The following RAB8B variants were observed in gnomAD, a reference collection of about 807,000 sequenced individuals.
The protein encoded by RAB8B is ras-related protein Rab-8B.
RAB8B carries 11 observed loss-of-function variants against 32.0 expected under a neutral mutation model. That is an observed-to-expected ratio of 0.34 (90% CI 0.22 to 0.57). The LOEUF is 0.57. Among genes scored for constraint, RAB8B ranks in the 20% least tolerant of loss-of-function variants. The pLI is 0.86. For synonymous variants in RAB8B, 103 were observed against 89.6 expected, an observed-to-expected ratio of 1.15 and a Z score of -0.85; for missense variants, 190 against 258.5, an observed-to-expected ratio of 0.73 and a Z score of 1.82.
chr15:63,261,528 G>C (rs2038203418), intron 6 of RAB8B, among the ~76,000 whole-genome samples: 1 of 152,128 alleles, frequency 6.6e-6, no homozygotes, highest in African/African-American at 2.4e-5. Context: ...TAAAAAAAGA[G>C]TGAAATCCCA....
At chr15:63,225,286 C>T (rs1038939211) in intron 1 of RAB8B, among the ~76,000 whole-genome samples, 1 of 152,168 alleles carries the variant, frequency 6.6e-6, no homozygotes, top group African/African-American at 2.4e-5. Flanking sequence ...CATCAAAGCT[C>T]TTACAAGTCA....
chr15:63,251,262 GTTGT>G (rs778744336), intron 3 of RAB8B: 30 of 455,796 alleles, frequency 6.6e-5, no homozygotes, highest in Non-Finnish European at 1.2e-4. Flanking sequence ...ACATTTGTTT[GTTGT>G]TTGTTTGTTT....
At chr15:63,243,395 A>G (rs1461123341) in intron 1 of RAB8B, among the ~76,000 whole-genome samples, 1 of 152,260 alleles carries the variant, frequency 6.6e-6, no homozygotes, top group African/African-American at 2.4e-5. Context: ...ACTAAGTTGT[A>G]TTCACTAACT....
chr15:63,234,769 G>A (rs2141130283), intron 1 of RAB8B, among the ~76,000 whole-genome samples: 1 of 152,290 alleles, frequency 6.6e-6, no homozygotes, highest in African/African-American at 2.4e-5. Context: ...GCAGGAAAGA[G>A]CCTCCTGGCC....
chr15:63,194,822 G>T (rs1446397784), intron 1 of RAB8B, among the ~76,000 whole-genome samples: 1 of 152,108 alleles, frequency 6.6e-6, no homozygotes, highest in Non-Finnish European at 1.5e-5. Context: ...ATATTTTAAA[G>T]GTTATTAAAA....
chr15:63,203,991 AG>A, intron 1 of RAB8B, among the ~76,000 whole-genome samples: 1 of 152,012 alleles, frequency 6.6e-6, no homozygotes, highest in Middle Eastern at 3.4e-3. Flanking sequence ...TTCTCTGCAG[AG>A]GGTTGTCGGG....
At chr15:63,200,672 G>A (rs1337428761) in intron 1 of RAB8B, among the ~76,000 whole-genome samples, 1 of 151,984 alleles carries the variant, frequency 6.6e-6, no homozygotes, top group East Asian at 1.9e-4. Flanking sequence ...ACCTCATGGT[G>A]AGATAGGTGA....
At chr15:63,240,266 C>A (rs2038021303) in intron 1 of RAB8B, among the ~76,000 whole-genome samples, 1 of 152,098 alleles carries the variant, frequency 6.6e-6, no homozygotes, top group South Asian at 2.1e-4. Context: ...GCACAGTATC[C>A]TGGAAAGCTA....
chr15:63,236,031 T>C (rs1204716028), intron 1 of RAB8B, among the ~76,000 whole-genome samples: 3 of 152,296 alleles, frequency 2.0e-5, no homozygotes, highest in East Asian at 3.9e-4. Context: ...TAACCTAACC[T>C]TTTTTTATTG....
Position 63,258,900 on chromosome 15 carries a change from G to A in RAB8B, c.415-727G>A, listed in dbSNP as rs115824197. ...TCTGTGAGTCAGAAAAGGGGAGGAGGTTGCAAAGGGAGTAACCCCTGTACT... is the reference window on the plus strand; with the variant it reads ...TCTGTGAGTCAGAAAAGGGGAGGAGATTGCAAAGGGAGTAACCCCTGTACT... On this transcript the variant is annotated intron_variant, in intron 5 of 7. Transcript: ENST00000321437. 2.1e-3 allele frequency among the ~76,000 whole-genome samples: 317 copies of A among 152,174 alleles called. 4 individuals are homozygous for A. Among genetic ancestry groups the A allele is most frequent in the African/African-American group, 7.3e-3 (302 of 41,520 alleles).
chr15:63,229,678 G>T (rs1567015227), intron 1 of RAB8B, among the ~76,000 whole-genome samples: 1 of 150,730 alleles, frequency 6.6e-6, no homozygotes, highest in Non-Finnish European at 1.5e-5. Flanking sequence ...CTACTCAGGA[G>T]GCTGAGGCAC....
chr15:63,212,738 A>G (rs1459069451), intron 1 of RAB8B, among the ~76,000 whole-genome samples: 2 of 152,192 alleles, frequency 1.3e-5, no homozygotes, highest in African/African-American at 4.8e-5. Context: ...GCTCTAGTGA[A>G]TTGCTTCATG....
intron 1 of RAB8B, among the ~76,000 whole-genome samples, chr15:63,208,775 T>C (rs969899514): frequency 6.6e-6 from 1 of 152,160 alleles, no homozygotes; most frequent in African/African-American, 2.4e-5. Context: ...CAAGATGCTC[T>C]TTCCTCAGTG....
chr15:63,191,226 TAA>T (rs2037553788), intron 1 of RAB8B, among the ~76,000 whole-genome samples: 1 of 152,204 alleles, frequency 6.6e-6, no homozygotes, highest in African/African-American at 2.4e-5. Context: ...GGTTGGGAAA[TAA>T]TAGAGAGCTA....
intron 1 of RAB8B, among the ~76,000 whole-genome samples, chr15:63,231,353 A>G (rs34213645): frequency 0.13 from 19,510 of 152,258 alleles, 1,786 homozygotes; most frequent in East Asian, 0.47. Context: ...GGAAAGAGCC[A>G]AATAATCAGT....
chr15:63,243,721 T>A (rs1397187049), intron 1 of RAB8B, among the ~76,000 whole-genome samples: 1 of 150,452 alleles, frequency 6.6e-6, no homozygotes, highest in Non-Finnish European at 1.5e-5. Context: ...ATCATGAGGA[T>A]TTTTTTTTTC....
intron 1 of RAB8B, among the ~76,000 whole-genome samples, chr15:63,225,162 A>G (rs527379941): frequency 6.6e-6 from 1 of 152,358 alleles, no homozygotes; most frequent in South Asian, 2.1e-4. Context: ...CTGCAGCTGC[A>G]CTACCAAAGT....
At chr15:63,195,058 A>T (rs2037589458) in intron 1 of RAB8B, among the ~76,000 whole-genome samples, 1 of 152,234 alleles carries the variant, frequency 6.6e-6, no homozygotes, top group South Asian at 2.1e-4. Flanking sequence ...CATAATCCAG[A>T]TACGTAGAGC....
At chr15:63,245,782 G>A (rs1049300381) in intron 2 of RAB8B, among the ~76,000 whole-genome samples, 2 of 152,190 alleles carry the variant, frequency 1.3e-5, no homozygotes, top group Non-Finnish European at 2.9e-5. Context: ...GAGATATCTT[G>A]GGGATGGGAC....
Sources: allele counts gnomAD v4.1 joint callset (sites outside exome capture counted in the v4.1 genomes callset), GRCh38; gene constraint gnomAD v4.1.1; transcripts MANE v1.5; gene names NCBI Gene and HGNC (gene_info 2026-07-23, HGNC 2026-07-21).